Variants in DLGAP1 observed in about 807,000 individuals in gnomAD.
DLGAP1 encodes the protein DLG associated protein 1.
Under a neutral mutation model 90.8 loss-of-function variants are expected in DLGAP1, and 11 were observed. The observed-to-expected ratio is 0.12, with a 90% confidence interval of 0.08 to 0.20. DLGAP1 has a LOEUF of 0.20. Ranked by LOEUF, DLGAP1 falls within the 10% of genes least tolerant of loss-of-function variation. The pLI is 1.00. For synonymous variants in DLGAP1, 558 were observed against 540.7 expected (o/e 1.03, Z -0.44); for missense variants, 1,050 against 1,333.8 (o/e 0.79, Z 3.31).
At chr18:4,354,136 CA>C (rs2081455699) in intron 1 of DLGAP1, among the ~76,000 whole-genome samples, 1 of 152,186 alleles carries the variant, frequency 6.6e-6, no homozygotes. Flanking sequence ...GCCTCAAAAG[CA>C]AAGCCTCTTT....
intron 1 of DLGAP1, among the ~76,000 whole-genome samples, chr18:4,415,726 T>A (rs1049217455): frequency 3.9e-5 from 6 of 152,182 alleles, no homozygotes; most frequent in African/African-American, 1.4e-4. Flanking sequence ...TAAGTTTTTT[T>A]ACTCTCTGAA....
chr18:3,550,368 G>A (rs1278797587), intron 9 of DLGAP1, among the ~76,000 whole-genome samples: 1 of 152,170 alleles, frequency 6.6e-6, no homozygotes, highest in East Asian at 1.9e-4. Flanking sequence ...TGGGACTACA[G>A]GCACATGCCA....
At chr18:3,515,553 A>G (rs1220081710) in intron 10 of DLGAP1, among the ~76,000 whole-genome samples, 1 of 151,634 alleles carries the variant, frequency 6.6e-6, no homozygotes, top group Non-Finnish European at 1.5e-5. Context: ...CCAAGATAGG[A>G]GGATTGCTTG....
chr18:3,515,482 A>AT (rs1274803691), intron 10 of DLGAP1, among the ~76,000 whole-genome samples: 334 of 142,718 alleles, frequency 2.3e-3, no homozygotes, highest in African/African-American at 7.7e-3. Flanking sequence ...AAAAAAAAAA[A>AT]AAAATTGGAG....
At chr18:3,859,838 C>T (rs1476257422) in intron 4 of DLGAP1, among the ~76,000 whole-genome samples, 4 of 152,194 alleles carry the variant, frequency 2.6e-5, no homozygotes, top group African/African-American at 4.8e-5. Context: ...CGGTGGCTCA[C>T]GCCTGTAATC....
chr18:3,532,367 C>G lies in DLGAP1; in HGVS notation c.2479+1827G>C, dbSNP rs943132901. Among the ~76,000 whole-genome samples the G allele has an allele frequency of 4.0e-5, 6 of 151,736 alleles. No individual in the cohort carries two copies. The South Asian group carries it at 1.3e-3, about 32-fold the overall frequency. On this transcript the variant is annotated intron_variant, in intron 10 of 12. Transcript: ENST00000315677. ...GGCCGAGGCGGGTGGATCACCTGAG[C>G]TCAGGAGTTCAAGACCAGCCTGACC...
chr18:3,715,430 C>T (rs149440579), intron 7 of DLGAP1, among the ~76,000 whole-genome samples: 34 of 152,304 alleles, frequency 2.2e-4, no homozygotes, highest in South Asian at 1.5e-3. Flanking sequence ...TACAGGTGTA[C>T]GAGAAAGCAT....
chr18:3,990,657 T>TAAA (rs1035185796), intron 3 of DLGAP1, among the ~76,000 whole-genome samples: 4 of 147,904 alleles, frequency 2.7e-5, no homozygotes, highest in Non-Finnish European at 4.5e-5. Flanking sequence ...ATAATAATAA[T>TAAA]AATAATAAAA....
intron 1 of DLGAP1, among the ~76,000 whole-genome samples, chr18:4,191,235 C>T (rs1047702006): frequency 3.3e-5 from 5 of 152,126 alleles, no homozygotes; most frequent in African/African-American, 1.2e-4. Context: ...ACACATTTCA[C>T]AACTGCATCA....
chr18:3,935,457 G>A (rs2072614120), intron 3 of DLGAP1, among the ~76,000 whole-genome samples: 1 of 152,186 alleles, frequency 6.6e-6, no homozygotes, highest in Non-Finnish European at 1.5e-5. Context: ...GGATGGAGAA[G>A]GAGTTACTCA....
intron 3 of DLGAP1, among the ~76,000 whole-genome samples, chr18:3,989,939 T>C (rs563106015): frequency 2.0e-5 from 3 of 152,192 alleles, no homozygotes; most frequent in Non-Finnish European, 2.9e-5. Flanking sequence ...TGAGATACCA[T>C]CTCACAACAG....
At chr18:3,871,671 G>A (rs2070756566) in intron 4 of DLGAP1, among the ~76,000 whole-genome samples, 1 of 152,146 alleles carries the variant, frequency 6.6e-6, no homozygotes, top group African/African-American at 2.4e-5. Context: ...CACTGGAAAA[G>A]CACAGTAATG....
intron 1 of DLGAP1, among the ~76,000 whole-genome samples, chr18:4,182,401 C>T (rs556652026): frequency 5.3e-5 from 8 of 152,292 alleles, no homozygotes; most frequent in Admixed American, 4.6e-4. Flanking sequence ...CCAGAGGAAA[C>T]TACGTTAGCA....
chr18:3,547,025 G>C (rs1036453376), intron 9 of DLGAP1, among the ~76,000 whole-genome samples: 1 of 151,986 alleles, frequency 6.6e-6, no homozygotes, highest in Non-Finnish European at 1.5e-5. Flanking sequence ...ATGAGAGCCG[G>C]GCGCGGTGGC....
chr18:3,958,059 A>G (rs900938726), intron 3 of DLGAP1, among the ~76,000 whole-genome samples: 1 of 151,948 alleles, frequency 6.6e-6, no homozygotes, highest in Non-Finnish European at 1.5e-5. Flanking sequence ...ATGCCCAGCT[A>G]ATCTTTGTAT....
chr18:3,783,742 T>A (rs2065313136), intron 5 of DLGAP1, among the ~76,000 whole-genome samples: 1 of 152,200 alleles, frequency 6.6e-6, no homozygotes, highest in Non-Finnish European at 1.5e-5. Flanking sequence ...CATCGTACAC[T>A]TAAAAAATGG....
intron 1 of DLGAP1, among the ~76,000 whole-genome samples, chr18:4,201,773 G>A (rs1045313294): frequency 6.6e-6 from 1 of 152,064 alleles, no homozygotes; most frequent in Non-Finnish European, 1.5e-5. Context: ...GTCACAATGA[G>A]ATACCACTTT....
At chr18:4,004,718 A>G (rs2074265508) in intron 3 of DLGAP1, among the ~76,000 whole-genome samples, 3 of 152,214 alleles carry the variant, frequency 2.0e-5, no homozygotes, top group Admixed American at 6.5e-5. Context: ...CCACAAAGGA[A>G]TTCAAGCTGC....
intron 1 of DLGAP1, among the ~76,000 whole-genome samples, chr18:4,269,866 A>G (rs574949073): frequency 6.6e-6 from 1 of 151,900 alleles, no homozygotes; most frequent in South Asian, 2.1e-4. Flanking sequence ...TTGAGTTCTG[A>G]CTAATTTTGT....
Sources: gnomAD v4.1 joint callset for allele counts (sites outside exome capture counted in the v4.1 genomes callset) on GRCh38, gnomAD v4.1.1 for gene constraint, MANE v1.5 for transcripts, NCBI Gene and HGNC (gene_info 2026-07-23, HGNC 2026-07-21) for gene names.